The following GALNTL5 variants were observed in gnomAD, a reference collection of about 807,000 sequenced individuals.
GALNTL5 encodes inactive polypeptide N-acetylgalactosaminyltransferase-like protein 5.
Under a neutral mutation model 51.0 loss-of-function variants are expected in GALNTL5, and 44 were observed. The observed-to-expected ratio is 0.86, with a 90% CI of 0.68 to 1.11. GALNTL5 has a LOEUF of 1.11. GALNTL5 is among the 50% of genes least tolerant of loss of function. The pLI is 0.00. For synonymous variants in GALNTL5, 192 were observed against 182.8 expected (o/e 1.05, Z -0.41); for missense variants, 528 against 531.8 (o/e 0.99, Z 0.07).
chr7:152,012,713 T>C (rs2081753147), intron 7 of GALNTL5, among the ~76,000 whole-genome samples: 1 of 152,188 alleles, frequency 6.6e-6, no homozygotes, highest in South Asian at 2.1e-4. Context: ...ACGCCTCTAA[T>C]CCGAGCACTT....
intron 8 of GALNTL5, among the ~76,000 whole-genome samples, chr7:152,016,478 G>A (rs1045427008): frequency 6.6e-6 from 1 of 152,008 alleles, no homozygotes; most frequent in African/African-American, 2.4e-5. Context: ...TTCACTTATG[G>A]GAGTGTTGAC....
intron 5 of GALNTL5, among the ~76,000 whole-genome samples, chr7:151,998,593 G>A (rs140989023): frequency 9.3e-4 from 142 of 152,192 alleles, no homozygotes; most frequent in African/African-American, 3.3e-3. Context: ...CCAACACGGT[G>A]AAACCCCATC....
chr7:152,016,357 T>C (rs1355171051), intron 8 of GALNTL5, among the ~76,000 whole-genome samples: 1 of 151,826 alleles, frequency 6.6e-6, no homozygotes, highest in African/African-American at 2.4e-5. Context: ...TGAGTCAAGA[T>C]TGTGCCGTTG....
intron 6 of GALNTL5, among the ~76,000 whole-genome samples, chr7:152,006,893 G>A (rs2081651520): frequency 6.6e-6 from 1 of 151,932 alleles, no homozygotes; most frequent in Non-Finnish European, 1.5e-5. Context: ...ACAGTGTCCT[G>A]GGTAGCTGGG....
At chr7:151,958,827 G>T (rs1282450503) in intron 1 of GALNTL5, among the ~76,000 whole-genome samples, 1 of 152,200 alleles carries the variant, frequency 6.6e-6, no homozygotes. Flanking sequence ...GCAGAGAAGG[G>T]TTTTATTGAG....
At chr7:152,000,504 G>A (rs1213472395) in intron 5 of GALNTL5, among the ~76,000 whole-genome samples, 2 of 152,112 alleles carry the variant, frequency 1.3e-5, no homozygotes, top group African/African-American at 2.4e-5. Flanking sequence ...CCTGTTCTCT[G>A]TACTCCTCCC....
intron 3 of GALNTL5, among the ~76,000 whole-genome samples, chr7:151,974,927 A>G (rs367658960): frequency 1.3e-5 from 2 of 152,186 alleles, no homozygotes. Context: ...TCAATTCTGT[A>G]CAAAGAGCCC....
chr7:151,983,009 C>G lies in GALNTL5; in HGVS notation c.392C>G (p.Ala131Gly). The G allele has an allele frequency of 6.2e-7, 1 of 1,614,124 alleles. No homozygotes were observed. The highest frequency in any genetic ancestry group is 8.5e-7 in the Non-Finnish European group (1 of 1,180,002). Residue 131 changes from alanine to glycine, a missense_variant, in exon 4 of 9, where the codon GCC becomes GGC. Transcript: ENST00000392800. ...SKMCLQKHYP[A>G]RLPTASIVIC... ...AGGTGTCTTCAAAAACATTACCCAG[C>G]CCGCCTCCCGACTGCCAGCATTGTC... is the stretch of plus-strand genomic sequence containing the variant.
At chr7:151,996,343 T>C (rs2081500266) in intron 5 of GALNTL5, among the ~76,000 whole-genome samples, 1 of 152,088 alleles carries the variant, frequency 6.6e-6, no homozygotes, top group Non-Finnish European at 1.5e-5. Context: ...TGTCTCCTAA[T>C]GCTATCCCTC....
chr7:152,002,677 T>A (rs1377290114), intron 5 of GALNTL5, 37 bp from the exon 6 acceptor site: 1 of 1,601,772 alleles, frequency 6.2e-7, no homozygotes. Context: ...TTTTTTCAGC[T>A]ATGTGGACTA....
At chr7:152,010,365 C>A (rs1200187926) in intron 7 of GALNTL5, among the ~76,000 whole-genome samples, 1 of 152,234 alleles carries the variant, frequency 6.6e-6, no homozygotes, top group African/African-American at 2.4e-5. Flanking sequence ...CCTGCCTCGG[C>A]CTCCCAAAGT....
intron 7 of GALNTL5, among the ~76,000 whole-genome samples, chr7:152,009,405 C>G (rs1216065696): frequency 6.6e-6 from 1 of 152,178 alleles, no homozygotes; most frequent in Non-Finnish European, 1.5e-5. Flanking sequence ...ACTAAACTGT[C>G]TTTTCTGGAA....
intron 5 of GALNTL5, among the ~76,000 whole-genome samples, chr7:151,988,784 T>C (rs1207489299): frequency 1.3e-5 from 2 of 149,830 alleles, no homozygotes; most frequent in African/African-American, 4.9e-5. Context: ...ATCTGTAACC[T>C]CCTCCCACTG....
At chr7:152,007,642 T>C (rs931085281) in intron 6 of GALNTL5, among the ~76,000 whole-genome samples, 185 bp from the exon 7 acceptor site, 1 of 151,992 alleles carries the variant, frequency 6.6e-6, no homozygotes, top group Non-Finnish European at 1.5e-5. Flanking sequence ...ATGGTCTCGA[T>C]CTCCTGAACT....
chr7:151,996,745 T>C (rs2081505250), intron 5 of GALNTL5, among the ~76,000 whole-genome samples: 1 of 148,390 alleles, frequency 6.7e-6, no homozygotes, highest in African/African-American at 2.5e-5. Context: ...CACAACCTCA[T>C]CTCACAAAAC....
At chr7:151,977,461 AG>A (rs1390542528) in intron 3 of GALNTL5, among the ~76,000 whole-genome samples, 1 of 152,218 alleles carries the variant, frequency 6.6e-6, no homozygotes, top group East Asian at 1.9e-4. Context: ...GAAACATTAA[AG>A]TAACAATTCA....
intron 7 of GALNTL5, among the ~76,000 whole-genome samples, chr7:152,011,661 A>G (rs139395689): frequency 6.6e-6 from 1 of 152,360 alleles, no homozygotes; most frequent in Non-Finnish European, 1.5e-5. Flanking sequence ...GTGTGAAAAC[A>G]AACCATATGT....
At chr7:151,984,909 A>C (rs556400686) in intron 4 of GALNTL5, among the ~76,000 whole-genome samples, 26 of 152,296 alleles carry the variant, frequency 1.7e-4, no homozygotes, top group African/African-American at 6.3e-4. Context: ...TCAGAACCAC[A>C]CCATGAATTT....
At chr7:152,008,883 G>A (rs1325555698) in intron 7 of GALNTL5, among the ~76,000 whole-genome samples, 1 of 152,050 alleles carries the variant, frequency 6.6e-6, no homozygotes, top group Non-Finnish European at 1.5e-5. Flanking sequence ...TAAGAAAATG[G>A]CTCAAGGAGT....
Sources: allele counts gnomAD v4.1 joint callset (sites outside exome capture counted in the v4.1 genomes callset), GRCh38; gene constraint gnomAD v4.1.1; transcripts MANE v1.5; gene names NCBI Gene and HGNC (gene_info 2026-07-23, HGNC 2026-07-21).